RRM1: variants seen among roughly 807,000 people sequenced by gnomAD.
RRM1 encodes the protein ribonucleoside-diphosphate reductase large subunit.
Under a neutral mutation model 101.5 loss-of-function variants are expected in RRM1, and 19 were observed. The observed-to-expected ratio is 0.19, with a 90% CI of 0.13 to 0.27. RRM1 has a LOEUF of 0.27. RRM1 is among the 10% of genes least tolerant of loss of function. The pLI, the probability that RRM1 is intolerant of heterozygous loss-of-function variation, is 1.00. For synonymous variants in RRM1, 298 were observed against 323.4 expected (o/e 0.92, Z 0.84); for missense variants, 500 against 962.9 (o/e 0.52, Z 6.36).
At chr11:4,106,401 C>T in intron 3 of RRM1, 178 bp downstream of exon 3, 2 of 596,726 alleles carry the variant, frequency 3.4e-6, no homozygotes, top group South Asian at 2.0e-5. Flanking sequence ...GAGTTTGAGA[C>T]CAGCCTGGGC....
At chr11:4,126,197 T>C (rs1443786196) in intron 12 of RRM1, among the ~76,000 whole-genome samples, 1 of 152,234 alleles carries the variant, frequency 6.6e-6, no homozygotes, top group Admixed American at 6.5e-5. Context: ...GGTGGACGTG[T>C]GTGTTTTGAA....
In RRM1 at chr11:4,111,593, C is replaced by T; in HGVS notation, c.448-8C>T. ...TCTGAAAATTTTTTGTTGTTTCTCT[C>T]TTTCTAGACGCTAGAGCGGTCTTAT... On this transcript the variant is annotated splice_polypyrimidine_tract_variant and splice_region_variant and intron_variant, in intron 5 of 18. Transcript: ENST00000300738. 2 of 1,592,480 alleles carry T rather than the reference C, an allele frequency of 1.3e-6. No individual in the cohort carries two copies. The highest frequency in any genetic ancestry group is 1.7e-6 in the Non-Finnish European group (2 of 1,168,776).
intron 18 of RRM1, 162 bp from the exon 19 acceptor site, chr11:4,138,033 G>T: frequency 6.0e-5 from 1 of 16,696 alleles, no homozygotes; most frequent in East Asian, 4.1e-4. Flanking sequence ...GGGCAGAGGC[G>T]CCCCTCACCT....
chr11:4,126,457 T>G (rs952535018), intron 12 of RRM1, among the ~76,000 whole-genome samples: 46 of 152,002 alleles, frequency 3.0e-4, no homozygotes, highest in African/African-American at 1.1e-3. Flanking sequence ...TCTCTCTCTC[T>G]TACCTATTTT....
Position 4,111,884 on chromosome 11 carries a change from C to T in RRM1, c.488-16C>T, listed in dbSNP as rs1170117890. ...TCTGACGTCTCATCATGTGAAAACT[C>T]CTCTTTTGTCTATAGTGGCTGAAAG... On this transcript the variant is annotated splice_polypyrimidine_tract_variant and intron_variant, in intron 6 of 18. Transcript: ENST00000300738. 2 of 1,603,426 alleles carry T rather than the reference C, an allele frequency of 1.2e-6. No individual in the cohort carries two copies. The highest frequency in any genetic ancestry group is 1.7e-4 in the Middle Eastern group (1 of 6,022).
chr11:4,109,051 C>G (rs1442692461), intron 4 of RRM1, among the ~76,000 whole-genome samples: 1 of 151,996 alleles, frequency 6.6e-6, no homozygotes, highest in Non-Finnish European at 1.5e-5. Context: ...GTAACAAGGA[C>G]CAGTTATGCT....
rs2094619113 is a variant in RRM1, at chr11:4,138,738, GAGATTT to G, written c.*358_*363del. On this transcript the variant is annotated 3_prime_UTR_variant, in exon 19 of 19. Transcript: ENST00000300738. ...TTCTGAAGACTTCAGTTTTGTTAAG[GAGATTT>G]AGTTTTACTGCTTTGACTGGTGGGT... The G allele has an allele frequency of 1.3e-5, 3 of 224,290 alleles. No homozygotes were observed. Among genetic ancestry groups the G allele is most frequent in the African/African-American group, 6.7e-5 (3 of 44,814 alleles). 13.9% of individuals were successfully genotyped at this position (224,290 alleles called of 1,614,324 possible). A position where few individuals can be genotyped will look rare whatever the true frequency, so the allele number is the denominator to read the frequency against.
chr11:4,105,577 C>CTTT, intron 2 of RRM1: 7 of 262,898 alleles, frequency 2.7e-5, no homozygotes, highest in East Asian at 1.3e-4. Context: ...TTTTTTCTTT[C>CTTT]CTTTTTTTTT....
chr11:4,094,779 T>A (rs72555755), upstream of RRM1: 6 of 586,438 alleles, frequency 1.0e-5, no homozygotes, highest in African/African-American at 7.5e-5. Context: ...TCGAGTAACG[T>A]CATTCGAACC....
chr11:4,099,122 G>A (rs1194033470), intron 1 of RRM1, among the ~76,000 whole-genome samples: 1 of 151,960 alleles, frequency 6.6e-6, no homozygotes, highest in Non-Finnish European at 1.5e-5. Context: ...AATCACACTA[G>A]TATGCTAGAG....
At chr11:4,130,066 TTATATATA>T (rs746526097) in intron 15 of RRM1, among the ~76,000 whole-genome samples, 6 of 32,988 alleles carry the variant, frequency 1.8e-4, no homozygotes, top group African/African-American at 6.1e-4. Flanking sequence ...TGTACTGTAT[TTATATATA>T]TATATATATA....
intron 1 of RRM1, among the ~76,000 whole-genome samples, chr11:4,099,864 A>G: frequency 6.9e-6 from 1 of 145,542 alleles, no homozygotes; most frequent in East Asian, 2.0e-4. Context: ...TTACCAATGC[A>G]CTTTTTTTTT....
chr11:4,126,668 G>C lies in RRM1; in HGVS notation c.1321-16G>C, dbSNP rs757579539. ...ATAAAAATTGTGTGATTCTTGACCT[G>C]TTTTTTGCATTCCAGGTTGCTGTTT... On this transcript the variant is annotated splice_polypyrimidine_tract_variant and intron_variant, in intron 12 of 18. Transcript: ENST00000300738. The C allele has an allele frequency of 1.2e-6, 2 of 1,600,928 alleles. No homozygotes were observed. The highest frequency in any genetic ancestry group is 1.7e-6 in the Non-Finnish European group (2 of 1,173,792).
chr11:4,124,922 T>TTA (rs372503859), intron 12 of RRM1, among the ~76,000 whole-genome samples: 56,003 of 146,002 alleles, frequency 0.38, 12,101 homozygotes, highest in Non-Finnish European at 0.51. Context: ...TTTATTTTAT[T>TTA]TTTTTTTTTT....
chr11:4,137,838 C>T lies in RRM1; in HGVS notation c.2191-357C>T, dbSNP rs551400475. On this transcript the variant is annotated intron_variant, in intron 18 of 18. Coordinates refer to ENST00000300738, the MANE Select transcript of RRM1 (RefSeq NM_001033.5). ...CTCCCTCCCGGACGGGGCGGCTGGC[C>T]GGGCTGGGGGCTGACTCCCCAACCT... 2.7e-3 allele frequency among the ~76,000 whole-genome samples: 50 copies of T among 18,774 alleles called. 24 individuals carry two copies. The highest frequency in any genetic ancestry group is 0.021 in the Admixed American group (50 of 2,346). The allele number at this position is 18,774 out of a possible 152,430, so 12.3% of individuals were successfully genotyped here.
chr11:4,111,872 C>T, intron 6 of RRM1, 28 bp from the exon 7 acceptor site: 1 of 1,591,222 alleles, frequency 6.3e-7, no homozygotes, highest in Non-Finnish European at 8.6e-7. Context: ...GACGTCTCAT[C>T]ATGTGAAAAC....
At chr11:4,095,132 G>T (rs1168150638) in intron 1 of RRM1, 101 bp downstream of exon 1, 13 of 1,201,272 alleles carry the variant, frequency 1.1e-5, no homozygotes, top group South Asian at 1.3e-5. Context: ...GCTGCTTCCC[G>T]CCTTTCCCGC....
At chr11:4,117,107 G>A (rs1351661436) in intron 7 of RRM1, among the ~76,000 whole-genome samples, 6 of 152,150 alleles carry the variant, frequency 3.9e-5, no homozygotes, top group Admixed American at 3.9e-4. Flanking sequence ...ATAGGAAAAT[G>A]AAAATTATGT....
At chr11:4,106,616 TG>T (rs1248515743) in intron 3 of RRM1, among the ~76,000 whole-genome samples, 2 of 151,758 alleles carry the variant, frequency 1.3e-5, no homozygotes, top group Non-Finnish European at 2.9e-5. Context: ...GGCGTGGTGG[TG>T]GGGGCCTGTA....
Sources: gnomAD v4.1 joint callset for allele counts (sites outside exome capture counted in the v4.1 genomes callset) on GRCh38, gnomAD v4.1.1 for gene constraint, MANE v1.5 for transcripts, NCBI Gene and HGNC (gene_info 2026-07-23, HGNC 2026-07-21) for gene names.